TUBGCP5: variants seen among roughly 807,000 people sequenced by gnomAD.
TUBGCP5 encodes the protein tubulin gamma complex component 5, also known as gamma-tubulin complex component 5.
In TUBGCP5, 98 loss-of-function variants were observed where a neutral mutation model predicts 134.7. That is an observed-to-expected ratio of 0.73 (90% CI 0.62 to 0.86). The LOEUF (loss-of-function observed/expected upper bound fraction) is 0.86. Among genes scored for constraint, TUBGCP5 ranks in the 40% least tolerant of loss-of-function variants. The pLI, the probability that TUBGCP5 is intolerant of heterozygous loss-of-function variation, is 0.00. For missense variants in TUBGCP5, 1,150 were observed against 1,244.8 expected, an observed-to-expected ratio of 0.92 and a Z score of 1.15; for synonymous variants, 456 against 431.4, an observed-to-expected ratio of 1.06 and a Z score of -0.71.
chr15:23,023,047 C>T (rs2140562225), intron 10 of TUBGCP5: 1 of 152,256 alleles, frequency 6.6e-6, no homozygotes, highest in Admixed American at 6.5e-5. Flanking sequence ...ACACATGACC[C>T]AGCAATTCCA....
At chr15:22,988,224 A>G (rs914796473) in intron 23 of TUBGCP5, among the ~76,000 whole-genome samples, 1 of 152,062 alleles carries the variant, frequency 6.6e-6, no homozygotes. Flanking sequence ...CCTAAATCCA[A>G]TAAGCAGTGT....
At chr15:23,003,219 AC>A in intron 20 of TUBGCP5, 66 bp from the exon 21 acceptor site, 2 of 1,465,968 alleles carry the variant, frequency 1.4e-6, no homozygotes, top group South Asian at 1.2e-5. Context: ...CAACACTTTT[AC>A]CTATTTTAAA....
rs979749341 is a variant in TUBGCP5, at chr15:23,027,292, G to C, written c.637C>G (p.Arg213Gly). The change falls in exon 7 of 23, where the codon CGA (arginine) becomes GGA (glycine). Residue 213 changes from arginine to glycine, a missense_variant. By Grantham distance (125) the Arg-to-Gly change is moderately radical (BLOSUM62 -2). Around this residue, in one of 2 missense-constraint regions of TUBGCP5, gnomAD observed 453 missense variants for 394.7 expected, o/e 1.15. Coordinates refer to ENST00000615383, the MANE Select transcript of TUBGCP5 (RefSeq NM_052903.6). ...ACCACATGATGTTCCAGCCAGCTTC[G>C]GTCATCTGGCTCATCTGCTTGAAAG... ...CISWKDEPDDRSWLEHHVVHQ... is the reference protein window; with the variant it reads ...CISWKDEPDDGSWLEHHVVHQ... 1.2e-6 allele frequency: 2 copies of C among 1,613,580 alleles called. No individual in the cohort carries two copies. The highest frequency in any genetic ancestry group is 2.7e-5 in the African/African-American group (2 of 74,992).
At position 23,032,724 on chromosome 15, in the gene TUBGCP5, A is replaced by C. The variant is rs377585489; in HGVS notation, c.406+4T>G. On this transcript the variant is annotated splice_donor_region_variant and intron_variant, in intron 4 of 22. Transcript: ENST00000615383. ...CTCATATGTTAAGGAATCTAGTAAC[A>C]TACCCACTTCTTTATTTCTTGGTGT... 1.0e-5 allele frequency: 16 copies of C among 1,562,494 alleles called. No individual in the cohort carries two copies. The Admixed American group carries it at 3.2e-4, about 31-fold the overall frequency.
Position 23,001,015 on chromosome 15 carries a change from A to C in TUBGCP5, c.2928-346T>G, listed in dbSNP as rs554582094. The stretch of plus-strand genomic sequence containing the variant: ...AAATAAAGAACACATTAAGGATATA[A>C]AACTTAAAATCTGAAATTATTTTTA... On this transcript the variant is annotated intron_variant, in intron 21 of 22. Transcript: ENST00000615383. 5.3e-5 allele frequency among the ~76,000 whole-genome samples: 8 copies of C among 152,246 alleles called. 1 individual carries two copies. In the South Asian group the frequency reaches 1.7e-3, roughly 32 times the overall value.
intron 15 of TUBGCP5, 81 bp downstream of exon 15, chr15:23,009,864 A>C: frequency 1.2e-5 from 16 of 1,323,764 alleles, no homozygotes; most frequent in Non-Finnish European, 1.5e-5. Flanking sequence ...ATAAAAATTG[A>C]AATAGGTTTT....
rs552958325 is a variant in TUBGCP5, at chr15:23,019,318, G to A, written c.1388C>T (p.Ser463Phe). The change falls in exon 12 of 23, where the codon TCT becomes TTT. Residue 463 changes from serine (S) to phenylalanine (F), a missense_variant. Physicochemically the swap from Ser to Phe is radical, Grantham distance 155. Transcript: ENST00000615383. ...ASEQTVSLLFSLWVETVRPYL... is the reference protein window; with the variant it reads ...ASEQTVSLLFFLWVETVRPYL... ...AGGCCGCACCGTTTCCACCCAGAGA[G>A]AGAAAAGGAGGGAGACCTGAGGCAG... 6.2e-7 allele frequency: 1 copy of A among 1,613,546 alleles called. No individual in the cohort carries two copies. The highest frequency in any genetic ancestry group is 8.5e-7 in the Non-Finnish European group (1 of 1,179,738).
At chr15:23,024,339 T>C (rs1040320545) in intron 9 of TUBGCP5, 146 bp from the exon 10 acceptor site, 11 of 810,132 alleles carry the variant, frequency 1.4e-5, no homozygotes, top group Middle Eastern at 3.5e-4. Flanking sequence ...GATTAATATT[T>C]ATAATTTTAT....
chr15:22,995,863 C>T (rs146049933), downstream of TUBGCP5, among the ~76,000 whole-genome samples: 554 of 152,214 alleles, frequency 3.6e-3, 5 homozygotes, highest in African/African-American at 0.012. Flanking sequence ...AGTTCATTAA[C>T]TTCATGTAAA....
chr15:23,009,142 AT>A (rs2064888899), intron 15 of TUBGCP5, among the ~76,000 whole-genome samples: 1 of 152,116 alleles, frequency 6.6e-6, no homozygotes, highest in Admixed American at 6.5e-5. Flanking sequence ...AAAAATCCAA[AT>A]CCCATCATTT....
chr15:23,000,199 G>T, intron 22 of TUBGCP5: 1 of 1,073,930 alleles, frequency 9.3e-7, no homozygotes, highest in East Asian at 3.9e-5. Context: ...GAGCCACCGC[G>T]CCAGGCCAGG....
At chr15:23,009,071 T>G (rs2064882752) in intron 15 of TUBGCP5, among the ~76,000 whole-genome samples, 190 bp from the exon 16 acceptor site, 1 of 152,074 alleles carries the variant, frequency 6.6e-6, no homozygotes, top group Non-Finnish European at 1.5e-5. Flanking sequence ...CCTTTCATCA[T>G]CAGAAAGGTT....
intron 3 of TUBGCP5, among the ~76,000 whole-genome samples, chr15:23,035,648 G>A (rs114716706): frequency 0.012 from 1,831 of 152,214 alleles, 11 homozygotes; most frequent in African/African-American, 0.025. Flanking sequence ...TCCTGCCATG[G>A]AGCCCTGTTC....
At chr15:22,990,828 C>G (rs9806547) in intron 23 of TUBGCP5, among the ~76,000 whole-genome samples, 1 of 152,098 alleles carries the variant, frequency 6.6e-6, no homozygotes, top group Non-Finnish European at 1.5e-5. Flanking sequence ...ACAAGAGACA[C>G]GCAGAGAACA....
At chr15:23,030,684 C>T (rs117228714) in intron 6 of TUBGCP5, among the ~76,000 whole-genome samples, 3,505 of 151,112 alleles carry the variant, frequency 0.023, 49 homozygotes, top group Non-Finnish European at 0.036. Context: ...TTACACTCTA[C>T]ATGTATGAAT....
At chr15:23,030,601 TAA>T (rs10632423) in intron 6 of TUBGCP5, among the ~76,000 whole-genome samples, 64 of 119,504 alleles carry the variant, frequency 5.4e-4, no homozygotes, top group Middle Eastern at 5.4e-3. Context: ...CTTCTCCAAT[TAA>T]AAAAAAAAAA....
At chr15:23,000,357 G>C in intron 22 of TUBGCP5, 3 of 1,292,296 alleles carry the variant, frequency 2.3e-6, no homozygotes, top group Non-Finnish European at 2.9e-6. Context: ...GTAATAAATG[G>C]TATACCAGAA....
chr15:22,994,380 G>A (rs543439890), downstream of TUBGCP5, among the ~76,000 whole-genome samples: 363 of 152,206 alleles, frequency 2.4e-3, no homozygotes, highest in Non-Finnish European at 4.5e-3. Flanking sequence ...GTGAGCCACC[G>A]TGCCTGGTCC....
intron 23 of TUBGCP5, among the ~76,000 whole-genome samples, chr15:22,992,198 G>A (rs1167905020): frequency 6.6e-6 from 1 of 152,090 alleles, no homozygotes; most frequent in African/African-American, 2.4e-5. Flanking sequence ...TGACTCTCTG[G>A]ATCCTGTGGC....
Sources: gnomAD v4.1 joint callset for allele counts (sites outside exome capture counted in the v4.1 genomes callset) on GRCh38, gnomAD v4.1.1 for gene constraint, gnomAD v4.1.1 regional missense constraint, MANE v1.5 for transcripts, NCBI Gene and HGNC (gene_info 2026-07-23, HGNC 2026-07-21) for gene names.